SPMAP2L: variants seen among roughly 807,000 people sequenced by gnomAD.
The protein encoded by SPMAP2L is sperm microtubule associated protein 2 like.
the SPMAP2L span, among the ~76,000 whole-genome samples, chr4:56,625,354 T>C: frequency 6.6e-6 from 1 of 152,216 alleles, no homozygotes; most frequent in East Asian, 1.9e-4. Context: ...GCACTTTGGG[T>C]TAATGCTGAA....
the SPMAP2L span, chr4:56,593,768 C>A: frequency 1.3e-6 from 2 of 1,574,588 alleles, no homozygotes; most frequent in Non-Finnish European, 1.7e-6. Context: ...CAGGGAGCAA[C>A]ACACTGAGAG....
the SPMAP2L span, among the ~76,000 whole-genome samples, chr4:56,569,730 C>T: frequency 6.6e-6 from 1 of 151,970 alleles, no homozygotes; most frequent in Non-Finnish European, 1.5e-5. Context: ...TCACTTGAGC[C>T]TGGGAGGTCG....
At chr4:56,586,714 G>T in the SPMAP2L span, among the ~76,000 whole-genome samples, 1 of 152,200 alleles carries the variant, frequency 6.6e-6, no homozygotes, top group Non-Finnish European at 1.5e-5. Flanking sequence ...AATATGGAGT[G>T]TCTCAAGGGT....
chr4:56,594,591 T>C, the SPMAP2L span: 9 of 1,578,538 alleles, frequency 5.7e-6, no homozygotes, highest in Middle Eastern at 1.7e-4. Context: ...ACGGTTTGCC[T>C]CATTCTGAAA....
At chr4:56,594,352 G>T in the SPMAP2L span, 4 of 1,532,600 alleles carry the variant, frequency 2.6e-6, no homozygotes, top group Non-Finnish European at 3.6e-6. Flanking sequence ...TGAACAGTTC[G>T]TCTGAACTCG....
At chr4:56,547,348 C>A in the SPMAP2L span, among the ~76,000 whole-genome samples, 78 of 151,388 alleles carry the variant, frequency 5.2e-4, no homozygotes, top group South Asian at 8.3e-4. Context: ...CAGGTTCAAG[C>A]AATTCTCCTG....
At chr4:56,606,375 A>G in the SPMAP2L span, among the ~76,000 whole-genome samples, 1 of 152,168 alleles carries the variant, frequency 6.6e-6, no homozygotes, top group South Asian at 2.1e-4. Flanking sequence ...AAGGTTTCCT[A>G]GCCGAGGTAT....
the SPMAP2L span, among the ~76,000 whole-genome samples, chr4:56,606,372 C>T: frequency 6.6e-6 from 1 of 152,146 alleles, no homozygotes; most frequent in African/African-American, 2.4e-5. Flanking sequence ...TTCAAGGTTT[C>T]CTAGCCGAGG....
At chr4:56,586,145 A>G in the SPMAP2L span, among the ~76,000 whole-genome samples, 203 of 152,304 alleles carry the variant, frequency 1.3e-3, 2 homozygotes, top group Non-Finnish European at 2.5e-3. Context: ...GGCTGGAATC[A>G]TCTGGAGGCT....
the SPMAP2L span, among the ~76,000 whole-genome samples, chr4:56,542,936 G>A: frequency 2.0e-5 from 3 of 151,908 alleles, no homozygotes; most frequent in East Asian, 5.8e-4. Context: ...GGGTCCCTTT[G>A]AACCTGTGTT....
the SPMAP2L span, among the ~76,000 whole-genome samples, chr4:56,555,031 C>G: frequency 6.6e-6 from 1 of 151,506 alleles, no homozygotes; most frequent in Non-Finnish European, 1.5e-5. Context: ...CTGCAACCTC[C>G]CAGGTTCAAG....
the SPMAP2L span, among the ~76,000 whole-genome samples, chr4:56,542,715 C>G: frequency 4.8e-3 from 725 of 151,706 alleles, 7 homozygotes; most frequent in African/African-American, 0.017. Context: ...CGTGCTCTTC[C>G]TCTAGCATCA....
chr4:56,588,971 C>T, the SPMAP2L span, among the ~76,000 whole-genome samples: 2 of 152,034 alleles, frequency 1.3e-5, no homozygotes, highest in African/African-American at 4.8e-5. Context: ...CTATTCTTTT[C>T]CATTGGTCTC....
At chr4:56,601,229 A>G in the SPMAP2L span, 3 of 993,814 alleles carry the variant, frequency 3.0e-6, no homozygotes, top group South Asian at 3.5e-5. Flanking sequence ...CTTCCAAAAC[A>G]TCTTACTTAA....
chr4:56,597,355 T>G, the SPMAP2L span, among the ~76,000 whole-genome samples: 1 of 152,204 alleles, frequency 6.6e-6, no homozygotes, highest in African/African-American at 2.4e-5. Context: ...GCACAGAGCC[T>G]GGAACCTTTG....
chr4:56,619,246 G>A, the SPMAP2L span, among the ~76,000 whole-genome samples: 1 of 152,182 alleles, frequency 6.6e-6, no homozygotes, highest in Non-Finnish European at 1.5e-5. Context: ...CCTATTTTCA[G>A]ACTGTGATTG....
the SPMAP2L span, chr4:56,594,810 A>C: frequency 8.1e-3 from 12,648 of 1,553,712 alleles, 650 homozygotes; most frequent in African/African-American, 0.13. Flanking sequence ...GACCTCATCC[A>C]TCAACATGGA....
the SPMAP2L span, among the ~76,000 whole-genome samples, chr4:56,574,571 T>C: frequency 1.3e-5 from 2 of 152,208 alleles, 1 homozygote; most frequent in South Asian, 4.1e-4. Context: ...TCAATATAAT[T>C]CACCGTATAA....
At chr4:56,595,407 C>G in the SPMAP2L span, 1 of 1,605,044 alleles carries the variant, frequency 6.2e-7, no homozygotes, top group Non-Finnish European at 8.5e-7. Flanking sequence ...CAGAGCTGGA[C>G]AGATTCTGTG....
Sources: allele counts gnomAD v4.1 joint callset (sites outside exome capture counted in the v4.1 genomes callset), GRCh38; gene constraint gnomAD v4.1.1; transcripts MANE v1.5; gene names NCBI Gene and HGNC (gene_info 2026-07-23, HGNC 2026-07-21).